The following FKBP6 variants were observed in gnomAD, a reference collection of about 807,000 sequenced individuals.
FKBP6 encodes the protein inactive peptidyl-prolyl cis-trans isomerase FKBP6.
Under a neutral mutation model 41.7 loss-of-function variants are expected in FKBP6, and 29 were observed. The ratio of observed to expected loss-of-function variants is 0.70; its 90% confidence interval spans 0.52 to 0.95. FKBP6 has a LOEUF of 0.95. Ranked by LOEUF, FKBP6 falls within the 40% of genes least tolerant of loss-of-function variation. The probability of loss-of-function intolerance (pLI) is 0.00; values close to 1 mark genes in which losing one functional copy is unlikely to be tolerated. For missense variants in FKBP6, 338 were observed against 408.7 expected, an observed-to-expected ratio of 0.83 and a Z score of 1.49; for synonymous variants, 130 against 165.1, an observed-to-expected ratio of 0.79 and a Z score of 1.63.
At chr7:73,343,010 G>C in intron 8 of FKBP6, 111 bp downstream of exon 8, 1 of 789,200 alleles carries the variant, frequency 1.3e-6, no homozygotes, top group Non-Finnish European at 2.3e-6. Flanking sequence ...ACGAGGGGTA[G>C]ACAAGTTCCT....
In FKBP6 at chr7:73,330,123, A is replaced by G. The variant is rs1554547368; in HGVS notation, c.266-27A>G. 2.5e-6 allele frequency: 4 copies of G among 1,581,070 alleles called. No individual in the cohort carries two copies. The South Asian group carries it at 3.3e-5, about 13-fold the overall frequency. ...CTGAGCAGGATACTGAGCAAGCTTC[A>G]CCCACCTTCTTTGTCCATTCTTACA... On this transcript the variant is annotated intron_variant, in intron 3 of 8. Coordinates refer to ENST00000252037, the MANE Select transcript of FKBP6 (RefSeq NM_003602.5).
At chr7:73,341,252 A>T in intron 6 of FKBP6, 21 bp from the exon 7 acceptor site, 1 of 1,513,770 alleles carries the variant, frequency 6.6e-7, no homozygotes, top group Non-Finnish European at 9.2e-7. Context: ...CTGTGCTTTT[A>T]AAGTTCTCTC....
At chr7:73,333,802 T>C (rs1466169767) in intron 5 of FKBP6, among the ~76,000 whole-genome samples, 1 of 152,246 alleles carries the variant, frequency 6.6e-6, no homozygotes, top group African/African-American at 2.4e-5. Context: ...CTGGGCACGG[T>C]GGCTCATGCC....
intron 5 of FKBP6, among the ~76,000 whole-genome samples, chr7:73,339,988 A>G (rs1216430864): frequency 1.3e-5 from 2 of 152,200 alleles, no homozygotes; most frequent in African/African-American, 4.8e-5. Flanking sequence ...TTGCATGAAT[A>G]TGTTGACCAG....
chr7:73,345,028 C>T (rs1273575391), intron 8 of FKBP6, among the ~76,000 whole-genome samples: 1 of 152,028 alleles, frequency 6.6e-6, no homozygotes, highest in African/African-American at 2.4e-5. Context: ...ATGCCTTTTC[C>T]ATCTTTGCAT....
At chr7:73,340,917 C>CTTT (rs368227645) in intron 6 of FKBP6, 85 bp downstream of exon 6, 354 of 481,516 alleles carry the variant, frequency 7.4e-4, no homozygotes, top group South Asian at 1.3e-3. Flanking sequence ...AAAATGCTGT[C>CTTT]TTTTTTTTTT....
chr7:73,340,725 TC>T lies in FKBP6; in HGVS notation c.678del (p.Phe227LeufsTer4), dbSNP rs1554549344. The T allele has an allele frequency of 6.2e-7, 1 of 1,613,966 alleles. No individual in the cohort carries two copies. On this transcript the variant is annotated frameshift_variant, in exon 6 of 9. Coordinates refer to ENST00000252037, the MANE Select transcript of FKBP6 (RefSeq NM_003602.5). LOFTEE classifies it high-confidence loss of function. ...AAKLPVLLNLSFTYLKLDRPT... is the reference protein window; with the variant it reads ...AAKLPVLLNLXFTYLKLDRPT... ...CAAGCTTCCTGTTCTCCTGAACCTGTCCTTTACATACCTGAAGCTAGACCGA... is the reference window on the plus strand; with the variant it reads ...CAAGCTTCCTGTTCTCCTGAACCTGTCTTTACATACCTGAAGCTAGACCGA...
chr7:73,336,770 G>T (rs1554548603), intron 5 of FKBP6: 1 of 456,480 alleles, frequency 2.2e-6, no homozygotes, highest in Admixed American at 2.4e-5. Context: ...CACCGTGCTG[G>T]GTGTGCTGCG....
chr7:73,334,524 C>T (rs1267201285), intron 5 of FKBP6, among the ~76,000 whole-genome samples: 3 of 151,910 alleles, frequency 2.0e-5, no homozygotes, highest in Non-Finnish European at 2.9e-5. Context: ...TGACTCACAC[C>T]TATAATCCCA....
At chr7:73,356,273 C>G (rs1805630268) in intron 8 of FKBP6, among the ~76,000 whole-genome samples, 2 of 152,038 alleles carry the variant, frequency 1.3e-5, no homozygotes, top group Admixed American at 1.3e-4. Flanking sequence ...GATTAGTAGG[C>G]AGGTAGGTAG....
chr7:73,352,695 G>A (rs962174676), intron 8 of FKBP6, among the ~76,000 whole-genome samples: 4 of 152,184 alleles, frequency 2.6e-5, no homozygotes, highest in Non-Finnish European at 4.4e-5. Context: ...ATCCAGAGAA[G>A]GGTTTTCAAA....
intron 8 of FKBP6, among the ~76,000 whole-genome samples, chr7:73,350,415 A>G (rs1278570918): frequency 6.6e-6 from 1 of 152,130 alleles, no homozygotes; most frequent in African/African-American, 2.4e-5. Context: ...ATTGGATTTG[A>G]AATGTTAAGC....
chr7:73,354,861 C>T (rs1285504911), intron 8 of FKBP6, among the ~76,000 whole-genome samples: 1 of 152,166 alleles, frequency 6.6e-6, no homozygotes, highest in Non-Finnish European at 1.5e-5. Context: ...CAGGGAAGTG[C>T]TTGAGGCTGG....
At chr7:73,341,657 G>A (rs1805194346) in intron 7 of FKBP6, among the ~76,000 whole-genome samples, 1 of 150,202 alleles carries the variant, frequency 6.7e-6, no homozygotes, top group East Asian at 2.0e-4. Context: ...GAGGTGGGAG[G>A]GTGTCACTTT....
chr7:73,344,765 A>G (rs1554550065), intron 8 of FKBP6, among the ~76,000 whole-genome samples: 2 of 152,074 alleles, frequency 1.3e-5, no homozygotes, highest in African/African-American at 2.4e-5. Flanking sequence ...TTGTATTTTT[A>G]GTAGAGACAG....
At chr7:73,330,394 G>A (rs782372682) in intron 4 of FKBP6, 42 bp downstream of exon 4, 29 of 1,439,438 alleles carry the variant, frequency 2.0e-5, no homozygotes, top group Admixed American at 5.0e-5. Context: ...ATAGAGAGAC[G>A]AATGGGTTGG....
chr7:73,353,239 C>T (rs955958808), intron 8 of FKBP6, among the ~76,000 whole-genome samples: 6 of 152,130 alleles, frequency 3.9e-5, no homozygotes, highest in Non-Finnish European at 7.4e-5. Context: ...CCAAGATAAT[C>T]GCCCAGCTCA....
intron 5 of FKBP6, among the ~76,000 whole-genome samples, chr7:73,334,295 G>C (rs1232054823): frequency 6.6e-6 from 1 of 152,080 alleles, no homozygotes; most frequent in African/African-American, 2.4e-5. Context: ...AAACTTTCTT[G>C]AGTTATTTCT....
chr7:73,352,244 A>G (rs1554551219), intron 8 of FKBP6, among the ~76,000 whole-genome samples: 2 of 152,224 alleles, frequency 1.3e-5, no homozygotes, highest in Admixed American at 1.3e-4. Context: ...GATTATAGGC[A>G]TGAGCCACCG....
Sources: gnomAD v4.1 joint callset for allele counts (sites outside exome capture counted in the v4.1 genomes callset) on GRCh38, gnomAD v4.1.1 for gene constraint, MANE v1.5 for transcripts, NCBI Gene and HGNC (gene_info 2026-07-23, HGNC 2026-07-21) for gene names.